Variants in DOCK4 observed in about 807,000 individuals in gnomAD.
DOCK4 encodes dedicator of cytokinesis protein 4.
A neutral mutation model predicts 268.1 loss-of-function variants in DOCK4; 97 were observed. The ratio of observed to expected loss-of-function variants is 0.36; its 90% confidence interval spans 0.31 to 0.43. The LOEUF (loss-of-function observed/expected upper bound fraction) is 0.43. Ranked by LOEUF, DOCK4 falls within the 20% of genes least tolerant of loss-of-function variation. DOCK4 has a pLI of 1.00. For synonymous variants in DOCK4, 954 were observed against 887.2 expected, an observed-to-expected ratio of 1.08 and a Z score of -1.34; for missense variants, 2,145 against 2,455.7, an observed-to-expected ratio of 0.87 and a Z score of 2.67.
intron 15 of DOCK4, 38 bp downstream of exon 15, chr7:111,900,336 A>C (rs1419682789): frequency 1.2e-6 from 2 of 1,602,156 alleles, no homozygotes; most frequent in African/African-American, 2.7e-5. Flanking sequence ...ATACTCCAGC[A>C]CAATAGACAC....
intron 1 of DOCK4, among the ~76,000 whole-genome samples, chr7:112,190,369 T>C (rs934252001): frequency 6.6e-6 from 1 of 151,876 alleles, no homozygotes; most frequent in Non-Finnish European, 1.5e-5. Context: ...GGAACAGAGG[T>C]AGAGCAGTAC....
intron 23 of DOCK4, among the ~76,000 whole-genome samples, chr7:111,860,391 A>G (rs538113592): frequency 3.3e-5 from 5 of 152,284 alleles, no homozygotes; most frequent in African/African-American, 1.2e-4. Flanking sequence ...TGCCCAGCCC[A>G]TCTTATACAT....
chr7:112,051,596 A>G (rs993183984), intron 1 of DOCK4, among the ~76,000 whole-genome samples: 39 of 152,098 alleles, frequency 2.6e-4, no homozygotes, highest in Non-Finnish European at 2.9e-5. Flanking sequence ...AGACATTAAT[A>G]GGTCAGGAGA....
At position 111,765,130 on chromosome 7, in the gene DOCK4, T is replaced by A; in HGVS notation, c.4008A>T (p.Pro1336=). ...GTATATTACTTACTCTTAAGAAAAA[T>A]GGAAATTTTTTTCCATAAAATCCAA... ...FRVGFYGKKF[P]FFLRNKEFVC... Residue 1336 remains proline, a synonymous_variant, in exon 39 of 53, where the codon CCA becomes CCT. Transcript: ENST00000428084. 6.6e-7 allele frequency: 1 copy of A among 1,522,558 alleles called. No individual in the cohort carries two copies. The highest frequency in any genetic ancestry group is 8.8e-7 in the Non-Finnish European group (1 of 1,136,118). The allele number at this position is 1,522,558 out of a possible 1,614,324, so 94.3% of individuals were successfully genotyped here. A position where few individuals can be genotyped will look rare whatever the true frequency, so the allele number is the denominator to read the frequency against.
At chr7:111,956,036 T>A (rs1796422366) in intron 8 of DOCK4, among the ~76,000 whole-genome samples, 1 of 152,130 alleles carries the variant, frequency 6.6e-6, no homozygotes, top group African/African-American at 2.4e-5. Context: ...GAGGATCTGG[T>A]CAACACAAAC....
At chr7:112,111,760 G>A (rs569413491) in intron 1 of DOCK4, among the ~76,000 whole-genome samples, 3 of 152,224 alleles carry the variant, frequency 2.0e-5, no homozygotes, top group African/African-American at 4.8e-5. Flanking sequence ...AGGACCTGCC[G>A]GCCTAACCTG....
intron 42 of DOCK4, among the ~76,000 whole-genome samples, chr7:111,749,504 T>C (rs1338193503): frequency 6.6e-6 from 1 of 152,192 alleles, no homozygotes; most frequent in Non-Finnish European, 1.5e-5. Flanking sequence ...TTATGTGCTT[T>C]TGGCTATAAG....
intron 32 of DOCK4, among the ~76,000 whole-genome samples, chr7:111,784,709 T>C (rs905624963): frequency 3.3e-5 from 5 of 152,144 alleles, no homozygotes; most frequent in Admixed American, 3.3e-4. Context: ...ATAATTACAA[T>C]CTGTGTCACT....
At chr7:112,014,160 G>C (rs1253939998) in intron 1 of DOCK4, among the ~76,000 whole-genome samples, 2 of 152,198 alleles carry the variant, frequency 1.3e-5, no homozygotes, top group African/African-American at 4.8e-5. Context: ...TCATGAGAAA[G>C]AAGTTTCCTA....
At chr7:111,740,148 G>A in intron 47 of DOCK4, 1 of 433,190 alleles carries the variant, frequency 2.3e-6, no homozygotes, top group Admixed American at 2.6e-5. Context: ...TGCCCAGGCT[G>A]GAGTGCAGTG....
intron 24 of DOCK4, among the ~76,000 whole-genome samples, chr7:111,845,594 A>G (rs1804035384): frequency 6.6e-6 from 1 of 152,158 alleles, no homozygotes; most frequent in Admixed American, 6.5e-5. Flanking sequence ...CTATGTACAA[A>G]TGCTTCTAAC....
At position 111,787,487 on chromosome 7, in the gene DOCK4, A is replaced by T. The variant is rs553177471; in HGVS notation, c.3401+1175T>A. Among the ~76,000 whole-genome samples, 160 of 152,284 alleles carry T rather than the reference A, an allele frequency of 1.1e-3. 1 individual carries two copies. The highest frequency in any genetic ancestry group is 3.8e-3 in the African/African-American group (158 of 41,570). ...ATGATACTGTTCAGAATCCAGTACA[A>T]AGAATATATTTTATCACCCACCACT... On this transcript the variant is annotated intron_variant, in intron 32 of 52. Transcript: ENST00000428084.
intron 16 of DOCK4, among the ~76,000 whole-genome samples, chr7:111,888,401 A>C (rs963323499): frequency 3.3e-5 from 5 of 151,870 alleles, no homozygotes; most frequent in Non-Finnish European, 7.4e-5. Flanking sequence ...GGAGAAAAAG[A>C]CTGAAAAATA....
chr7:111,812,923 T>C (rs955895356), intron 27 of DOCK4, among the ~76,000 whole-genome samples: 8 of 152,216 alleles, frequency 5.3e-5, no homozygotes, highest in Non-Finnish European at 1.0e-4. Flanking sequence ...GGTAGCTCGC[T>C]GGGGAGATTT....
At chr7:111,997,117 A>T (rs1267826571) in intron 4 of DOCK4, among the ~76,000 whole-genome samples, 2 of 152,210 alleles carry the variant, frequency 1.3e-5, no homozygotes, top group Non-Finnish European at 2.9e-5. Flanking sequence ...GATCAGAACA[A>T]AGAGTAAGCA....
chr7:111,776,341 GA>G, intron 36 of DOCK4, among the ~76,000 whole-genome samples: 1 of 152,290 alleles, frequency 6.6e-6, no homozygotes, highest in African/African-American at 2.4e-5. Context: ...CAAAGAAATT[GA>G]AGCTGTAAAA....
intron 1 of DOCK4, among the ~76,000 whole-genome samples, chr7:112,013,499 T>G (rs908690426): frequency 7.2e-5 from 11 of 152,322 alleles, no homozygotes; most frequent in African/African-American, 2.6e-4. Flanking sequence ...AGCTCCTGCA[T>G]AGTTTTCCAA....
chr7:111,890,381 G>T (rs540734999), intron 16 of DOCK4, among the ~76,000 whole-genome samples: 1 of 152,066 alleles, frequency 6.6e-6, no homozygotes, highest in African/African-American at 2.4e-5. Flanking sequence ...GGTTATTAGC[G>T]AACTAGCAAT....
chr7:111,956,754 A>G (rs1461845010), intron 8 of DOCK4, among the ~76,000 whole-genome samples: 1 of 152,146 alleles, frequency 6.6e-6, no homozygotes, highest in Non-Finnish European at 1.5e-5. Context: ...TTTTCCCTTT[A>G]AATATGAAGT....
Sources: allele counts gnomAD v4.1 joint callset (sites outside exome capture counted in the v4.1 genomes callset), GRCh38; gene constraint gnomAD v4.1.1; transcripts MANE v1.5; gene names NCBI Gene and HGNC (gene_info 2026-07-23, HGNC 2026-07-21).